The following ARL15 variants were observed in gnomAD, a reference collection of about 807,000 sequenced individuals.
ARL15 encodes the protein ARF like GTPase 15.
Under a neutral mutation model 25.2 loss-of-function variants are expected in ARL15, and 19 were observed. That is an observed-to-expected ratio of 0.75 (90% CI 0.53 to 1.10). The LOEUF (loss-of-function observed/expected upper bound fraction) is 1.10. ARL15 is among the 50% of genes least tolerant of loss of function. ARL15 has a pLI of 0.00. For synonymous variants in ARL15, 94 were observed against 86.8 expected, an observed-to-expected ratio of 1.08 and a Z score of -0.46; for missense variants, 220 against 246.0, an observed-to-expected ratio of 0.89 and a Z score of 0.71.
rs551088527 is a variant in ARL15 at position 53,886,716 on chromosome 5, T to G, written c.463-3A>C. On this transcript the variant is annotated splice_region_variant and splice_polypyrimidine_tract_variant and intron_variant, in intron 4 of 4. Coordinates refer to ENST00000504924, the MANE Select transcript of ARL15 (RefSeq NM_019087.3). ...TCAAGTTCAAAATATTTTTTGATCT[T>G]AAGAGGAAAAAATAAAGATAAATAG... 24 of 1,541,762 alleles carry G rather than the reference T, an allele frequency of 1.6e-5. No homozygotes were observed. The highest frequency in any genetic ancestry group is 1.1e-4 in the South Asian group (9 of 80,352).
intron 4 of ARL15, among the ~76,000 whole-genome samples, chr5:53,920,501 A>AT (rs1238580372): frequency 4.6e-5 from 7 of 151,542 alleles, no homozygotes; most frequent in African/African-American, 7.3e-5. Context: ...TGCTTCTGGA[A>AT]TTTTTTTTTA....
rs115263404 is a variant in ARL15, at chr5:54,284,883, G to A, written c.48+25549C>T. Among the ~76,000 whole-genome samples, 1,351 of 152,050 alleles carry A rather than the reference G, an allele frequency of 8.9e-3. 33 individuals carry two copies. Among genetic ancestry groups the A allele is most frequent in the African/African-American group, 0.031 (1,285 of 41,452 alleles). The stretch of plus-strand genomic sequence containing the variant: ...CTCTTCCCTCTAATTACTAGGAGTC[G>A]GATACATATATTTAAAAACATAACC... On this transcript the variant is annotated intron_variant, in intron 1 of 4. Transcript: ENST00000504924.
chr5:54,023,874 G>A (rs1024139048), intron 4 of ARL15, among the ~76,000 whole-genome samples: 3 of 152,160 alleles, frequency 2.0e-5, no homozygotes, highest in Non-Finnish European at 2.9e-5. Context: ...ACGAACCATC[G>A]TGTCTGCTCT....
At chr5:53,889,266 A>G (rs1257812208) in intron 4 of ARL15, among the ~76,000 whole-genome samples, 1 of 152,260 alleles carries the variant, frequency 6.6e-6, no homozygotes, top group Non-Finnish European at 1.5e-5. Context: ...GATTAAAATA[A>G]TCACAAAGTA....
In ARL15 at chr5:54,200,100, C is replaced by T. The variant is rs530599342; in HGVS notation, c.49-28172G>A. On this transcript the variant is annotated intron_variant, in intron 1 of 4. Transcript: ENST00000504924. Reference sequence around the variant, plus strand: ...ATAGGTGGGAATTGAACAATGAGAACACATGGACACAGGAAGGGGAACATC... The same window carrying T: ...ATAGGTGGGAATTGAACAATGAGAATACATGGACACAGGAAGGGGAACATC... Among the ~76,000 whole-genome samples the T allele has an allele frequency of 1.8e-3, 247 of 138,816 alleles. 5 individuals carry two copies. The highest frequency in any genetic ancestry group is 6.4e-3 in the African/African-American group (234 of 36,772). The allele number at this position is 138,816 out of a possible 152,430, so 91.1% of individuals were successfully genotyped here. A position where few individuals can be genotyped will look rare whatever the true frequency, so the allele number is the denominator to read the frequency against.
chr5:54,039,923 G>T (rs1750285280), intron 4 of ARL15, among the ~76,000 whole-genome samples: 2 of 150,336 alleles, frequency 1.3e-5, no homozygotes, highest in African/African-American at 2.5e-5. Flanking sequence ...CACTGGAGAA[G>T]AAGCCACAAA....
chr5:54,118,199 T>C (rs1407782936), intron 3 of ARL15, among the ~76,000 whole-genome samples: 1 of 152,180 alleles, frequency 6.6e-6, no homozygotes. Context: ...CAGTATAGTA[T>C]CAAAGAAGAC....
intron 4 of ARL15, among the ~76,000 whole-genome samples, chr5:54,052,367 TACA>T (rs745465144): frequency 1.3e-5 from 2 of 152,184 alleles, no homozygotes; most frequent in Non-Finnish European, 2.9e-5. Flanking sequence ...TTACATTGCA[TACA>T]ACAACTTCCC....
At chr5:54,297,870 C>T (rs1758506966) in intron 1 of ARL15, among the ~76,000 whole-genome samples, 1 of 152,174 alleles carries the variant, frequency 6.6e-6, no homozygotes, top group Non-Finnish European at 1.5e-5. Flanking sequence ...GCAAGCTCCA[C>T]CTCCCAGGTT....
intron 4 of ARL15, among the ~76,000 whole-genome samples, chr5:54,055,031 A>G (rs138253249): frequency 7.9e-5 from 12 of 152,316 alleles, no homozygotes; most frequent in African/African-American, 2.9e-4. Context: ...GCACTTAAAG[A>G]ACACAGTTCA....
At chr5:53,903,596 G>A (rs902556631) in intron 4 of ARL15, among the ~76,000 whole-genome samples, 3 of 152,156 alleles carry the variant, frequency 2.0e-5, no homozygotes, top group Non-Finnish European at 4.4e-5. Context: ...ACAAACCCCT[G>A]TTAATGATTC....
chr5:53,995,079 G>A (rs1355198314), intron 4 of ARL15, among the ~76,000 whole-genome samples: 2 of 152,114 alleles, frequency 1.3e-5, no homozygotes, highest in Non-Finnish European at 2.9e-5. Flanking sequence ...GGGAGGCCGA[G>A]GCAGGCAGAT....
intron 4 of ARL15, among the ~76,000 whole-genome samples, chr5:54,075,048 G>A (rs1751549402): frequency 1.1e-5 from 1 of 88,706 alleles, no homozygotes; most frequent in South Asian, 3.9e-4. Flanking sequence ...AGATCTGACA[G>A]AATGATTCTT....
chr5:53,980,705 G>A (rs1348227620), intron 4 of ARL15, among the ~76,000 whole-genome samples: 2 of 152,170 alleles, frequency 1.3e-5, no homozygotes, highest in African/African-American at 2.4e-5. Context: ...GTAACAAGGG[G>A]CTAAGATTAC....
At chr5:54,163,816 AG>A (rs1224534181) in intron 2 of ARL15, among the ~76,000 whole-genome samples, 1 of 151,674 alleles carries the variant, frequency 6.6e-6, no homozygotes, top group East Asian at 1.9e-4. Flanking sequence ...GTTTGGCTAG[AG>A]TTTTACCAGT....
chr5:54,125,254 G>A (rs542109676), intron 3 of ARL15, among the ~76,000 whole-genome samples: 7 of 152,048 alleles, frequency 4.6e-5, no homozygotes, highest in Non-Finnish European at 7.4e-5. Context: ...GGCTGGTCTC[G>A]AACTCCTGAC....
Position 53,911,855 on chromosome 5 carries a change from G to A in ARL15, c.463-25142C>T, listed in dbSNP as rs913776242. ...CAAAATAATCTTTCAGGGTAGTGATGGTGGAATATAAAAACAGTAAAGTTA... is the reference window on the plus strand; with the variant it reads ...CAAAATAATCTTTCAGGGTAGTGATAGTGGAATATAAAAACAGTAAAGTTA... On this transcript the variant is annotated intron_variant, in intron 4 of 4. Coordinates refer to ENST00000504924, the MANE Select transcript of ARL15 (RefSeq NM_019087.3). Among the ~76,000 whole-genome samples, 5 of 152,104 alleles carry A rather than the reference G, an allele frequency of 3.3e-5. No homozygotes were observed. The South Asian group carries it at 1.0e-3, about 32-fold the overall frequency.
chr5:54,007,040 G>A (rs937323773), intron 4 of ARL15, among the ~76,000 whole-genome samples: 2 of 152,020 alleles, frequency 1.3e-5, no homozygotes, highest in South Asian at 2.1e-4. Context: ...GCAAAACTCC[G>A]TTTCAAAAAA....
chr5:53,973,911 T>C (rs2112191820), intron 4 of ARL15, among the ~76,000 whole-genome samples: 1 of 152,230 alleles, frequency 6.6e-6, no homozygotes, highest in Admixed American at 6.5e-5. Flanking sequence ...CTTTTGTATA[T>C]GTGGGCATAT....
Sources: allele counts gnomAD v4.1 joint callset (sites outside exome capture counted in the v4.1 genomes callset), GRCh38; gene constraint gnomAD v4.1.1; transcripts MANE v1.5; gene names NCBI Gene and HGNC (gene_info 2026-07-23, HGNC 2026-07-21).